RALYL: variants seen among roughly 807,000 people sequenced by gnomAD.
RALYL encodes RALY RNA binding protein like.
RALYL carries 29 observed loss-of-function variants against 35.1 expected under a neutral mutation model. The observed-to-expected ratio is 0.83, with a 90% confidence interval of 0.61 to 1.13. The LOEUF is 1.13. Among genes scored for constraint, RALYL ranks in the 50% most tolerant of loss-of-function variants. The pLI is 0.00. For missense variants in RALYL, 359 were observed against 360.4 expected (o/e 1.00, Z 0.03); for synonymous variants, 120 against 127.6 (o/e 0.94, Z 0.40).
At chr8:84,699,463 C>T (rs183342717) in intron 2 of RALYL, among the ~76,000 whole-genome samples, 108 of 152,166 alleles carry the variant, frequency 7.1e-4, no homozygotes, top group African/African-American at 2.3e-3. Flanking sequence ...GATCAAAGTG[C>T]TGGCAGATTC....
chr8:84,764,474 A>C (rs968338187), intron 2 of RALYL, among the ~76,000 whole-genome samples: 3 of 152,184 alleles, frequency 2.0e-5, no homozygotes, highest in Non-Finnish European at 4.4e-5. Context: ...TTTTCACTTC[A>C]GTTTCTATTA....
intron 1 of RALYL, among the ~76,000 whole-genome samples, chr8:84,479,744 T>C (rs1389077972): frequency 6.6e-6 from 1 of 152,180 alleles, no homozygotes; most frequent in Non-Finnish European, 1.5e-5. Context: ...TTTCAGACAT[T>C]AGAAAAGTGT....
At chr8:84,859,682 T>G (rs1238320330) in intron 5 of RALYL, among the ~76,000 whole-genome samples, 1 of 152,020 alleles carries the variant, frequency 6.6e-6, no homozygotes, top group Non-Finnish European at 1.5e-5. Flanking sequence ...AAATGCTATC[T>G]CTACAAAAAA....
At chr8:84,919,813 T>C (rs893065913) in intron 8 of RALYL, among the ~76,000 whole-genome samples, 1 of 152,120 alleles carries the variant, frequency 6.6e-6, no homozygotes, top group Admixed American at 6.6e-5. Flanking sequence ...TTAAATTTTT[T>C]TTCATGTTAG....
At chr8:84,754,470 T>C (rs1810893780) in intron 2 of RALYL, among the ~76,000 whole-genome samples, 1 of 152,178 alleles carries the variant, frequency 6.6e-6, no homozygotes, top group Admixed American at 6.6e-5. Context: ...CTCTCCTCAG[T>C]TTCCTTTCAC....
intron 1 of RALYL, among the ~76,000 whole-genome samples, chr8:84,330,007 T>C (rs995972683): frequency 3.3e-5 from 5 of 150,348 alleles, no homozygotes; most frequent in African/African-American, 4.9e-5. Flanking sequence ...GGGGATATTA[T>C]TATGAATATG....
intron 1 of RALYL, among the ~76,000 whole-genome samples, chr8:84,490,277 C>CT (rs2134023875): frequency 6.6e-6 from 1 of 152,040 alleles, no homozygotes; most frequent in South Asian, 2.1e-4. Flanking sequence ...CTTCTGCTTA[C>CT]TGGGGCGATT....
intron 1 of RALYL, among the ~76,000 whole-genome samples, chr8:84,192,079 C>A (rs535849511): frequency 6.6e-6 from 1 of 152,202 alleles, no homozygotes; most frequent in African/African-American, 2.4e-5. Flanking sequence ...CACCAATAGA[C>A]AACCTGACAC....
intron 4 of RALYL, among the ~76,000 whole-genome samples, chr8:84,826,704 C>G (rs1421595735): frequency 1.3e-5 from 2 of 151,650 alleles, no homozygotes; most frequent in East Asian, 3.9e-4. Context: ...AGTCGATAAG[C>G]CCTGCCCACA....
intron 1 of RALYL, among the ~76,000 whole-genome samples, chr8:84,253,772 A>G (rs1190743239): frequency 6.6e-6 from 1 of 152,090 alleles, no homozygotes; most frequent in African/African-American, 2.4e-5. Context: ...AGTAGAATTT[A>G]TGCTTGGATA....
At chr8:84,403,451 C>T (rs930612655) in intron 1 of RALYL, among the ~76,000 whole-genome samples, 1 of 148,374 alleles carries the variant, frequency 6.7e-6, no homozygotes, top group South Asian at 2.2e-4. Context: ...TCAGTTTTGC[C>T]AAAGATTAGA....
At chr8:84,452,514 C>T (rs946872081) in intron 1 of RALYL, among the ~76,000 whole-genome samples, 7 of 151,856 alleles carry the variant, frequency 4.6e-5, no homozygotes, top group Middle Eastern at 3.4e-3. Context: ...TCTCATCTCA[C>T]TAGTAAAAAA....
At chr8:84,859,089 G>A (rs969332845) in intron 5 of RALYL, among the ~76,000 whole-genome samples, 19 of 152,140 alleles carry the variant, frequency 1.2e-4, no homozygotes, top group Admixed American at 3.9e-4. Context: ...CACAGGGTGG[G>A]AGCCAACCGA....
chr8:84,895,404 T>G (rs2135503913), intron 8 of RALYL, among the ~76,000 whole-genome samples: 1 of 152,216 alleles, frequency 6.6e-6, no homozygotes, highest in African/African-American at 2.4e-5. Context: ...TGTAGAGCAT[T>G]TGTATCCTCT....
chr8:84,825,719 T>C (rs1160224602), intron 4 of RALYL, among the ~76,000 whole-genome samples: 2 of 151,784 alleles, frequency 1.3e-5, no homozygotes, highest in Admixed American at 1.3e-4. Flanking sequence ...AATACAAAAA[T>C]TAGCTGGGCA....
At chr8:84,516,716 C>G (rs2058093431) in intron 1 of RALYL, among the ~76,000 whole-genome samples, 1 of 152,110 alleles carries the variant, frequency 6.6e-6, no homozygotes, top group East Asian at 1.9e-4. Flanking sequence ...TTAAGATATC[C>G]CAATGCAAGA....
chr8:84,668,163 T>C (rs776495754), intron 2 of RALYL, among the ~76,000 whole-genome samples: 1 of 152,184 alleles, frequency 6.6e-6, no homozygotes, highest in Non-Finnish European at 1.5e-5. Context: ...TCAAGGTATA[T>C]GACAATCAGG....
Position 84,304,262 on chromosome 8 carries a change from C to T in RALYL, c.-24+119838C>T, listed in dbSNP as rs560572265. Among the ~76,000 whole-genome samples, 127 of 152,150 alleles carry T rather than the reference C, an allele frequency of 8.3e-4. 4 individuals carry two copies. In the South Asian group the frequency reaches 0.022, roughly 27 times the overall value. On this transcript the variant is annotated intron_variant, in intron 1 of 8. Transcript: ENST00000521268. ...CCTCCCGATTAGCTGGGACTACAGG[C>T]GCCCGCCACCAAGCCCAGCTAATTT...
At chr8:84,731,718 C>G (rs1229656940) in intron 2 of RALYL, among the ~76,000 whole-genome samples, 2 of 152,078 alleles carry the variant, frequency 1.3e-5, no homozygotes, top group Admixed American at 1.3e-4. Flanking sequence ...AAAATCCAAA[C>G]CTAGTCTTCA....
Sources: allele counts gnomAD v4.1 joint callset (sites outside exome capture counted in the v4.1 genomes callset), GRCh38; gene constraint gnomAD v4.1.1; transcripts MANE v1.5; gene names NCBI Gene and HGNC (gene_info 2026-07-23, HGNC 2026-07-21).